Variants in CHD1 observed in about 807,000 individuals in gnomAD.
CHD1 encodes the protein ATP-dependent chromatin remodeler CHD1.
Under a neutral mutation model 224.2 loss-of-function variants are expected in CHD1, and 36 were observed. That is an observed-to-expected ratio of 0.16 (90% confidence interval 0.12 to 0.21). The LOEUF (loss-of-function observed/expected upper bound fraction) is 0.21, where lower values mean the gene tolerates loss of function less well. CHD1 is among the 10% of genes least tolerant of loss of function. The pLI is 1.00. For synonymous variants in CHD1, 668 were observed against 658.3 expected, an observed-to-expected ratio of 1.01 and a Z score of -0.23; for missense variants, 1,378 against 1,994.8, an observed-to-expected ratio of 0.69 and a Z score of 5.89.
chr5:98,909,374 C>T (rs965423889), intron 2 of CHD1, among the ~76,000 whole-genome samples: 4 of 152,102 alleles, frequency 2.6e-5, no homozygotes, highest in African/African-American at 9.7e-5. Flanking sequence ...ATAGTTTATA[C>T]GTGGTGTTGT....
rs1751890043 is a variant in CHD1, at chr5:98,904,039, G to GT, written c.256-132dup. 5.0e-6 allele frequency: 3 copies of GT among 594,444 alleles called. No homozygotes were observed. The Admixed American group carries it at 9.1e-5, about 18-fold the overall frequency. The allele number at this position is 594,444 out of a possible 1,614,324, so 36.8% of individuals were successfully genotyped here. On this transcript the variant is annotated intron_variant, in intron 3 of 35. Coordinates refer to ENST00000614616, the MANE Select transcript of CHD1 (RefSeq NM_001270.4). Reference sequence around the variant, plus strand: ...TAAAGACTATATTCCTTACCTATATGTAACACAATTATCATTGCAATATAG... The same window carrying GT: ...TAAAGACTATATTCCTTACCTATATGTTAACACAATTATCATTGCAATATAG...
intron 12 of CHD1, among the ~76,000 whole-genome samples, 157 bp from the exon 13 acceptor site, chr5:98,894,843 CAG>C (rs1193324803): frequency 6.7e-6 from 1 of 149,840 alleles, no homozygotes; most frequent in African/African-American, 2.5e-5. Context: ...TTTTTTGAGA[CAG>C]AGTTTTGCTC....
chr5:98,899,050 C>T (rs1052671422), intron 8 of CHD1, among the ~76,000 whole-genome samples: 8 of 152,164 alleles, frequency 5.3e-5, no homozygotes, highest in African/African-American at 1.9e-4. Context: ...AATCATCCCT[C>T]ACTACCTGCA....
chr5:98,893,655 T>C (rs1176514388), intron 13 of CHD1, 49 bp from the exon 14 acceptor site: 1 of 1,195,716 alleles, frequency 8.4e-7, no homozygotes, highest in Admixed American at 2.5e-5. Context: ...GGAATTCAAA[T>C]TTAGCCTTCC....
chr5:98,857,277 AAAT>A (rs1167483393), intron 35 of CHD1, among the ~76,000 whole-genome samples: 2 of 152,150 alleles, frequency 1.3e-5, no homozygotes, highest in African/African-American at 2.4e-5. Flanking sequence ...GCTTGATAAA[AAAT>A]AAATGTGGCA....
Position 98,871,055 on chromosome 5 carries a change from A to T in CHD1, c.3862-252T>A, listed in dbSNP as rs547760748. 5.6e-3 allele frequency among the ~76,000 whole-genome samples: 850 copies of T among 152,242 alleles called. 8 individuals are homozygous for T. Among genetic ancestry groups the T allele is most frequent in the African/African-American group, 0.019 (788 of 41,546 alleles). ...ATCTTTCAAAATGAAAATAGAAAGC[A>T]TAAGGTTGTAAATTTCCTTCAAATA... On this transcript the variant is annotated intron_variant, in intron 28 of 35. Coordinates refer to ENST00000614616, the MANE Select transcript of CHD1 (RefSeq NM_001270.4).
intron 18 of CHD1, among the ~76,000 whole-genome samples, chr5:98,884,863 G>C (rs1750533868): frequency 1.3e-5 from 2 of 151,746 alleles, no homozygotes; most frequent in Middle Eastern, 3.4e-3. Flanking sequence ...CTACAACCGA[G>C]TGCCACTATG....
intron 12 of CHD1, among the ~76,000 whole-genome samples, chr5:98,895,850 T>C (rs553819807): frequency 4.3e-4 from 66 of 151,928 alleles, no homozygotes; most frequent in African/African-American, 1.3e-3. Context: ...TGAGAACTTA[T>C]TTGTGGCAAG....
intron 2 of CHD1, among the ~76,000 whole-genome samples, chr5:98,907,588 C>CAAAAAAAAAAAAAAAAAAAACAAA (rs34839165): frequency 1.1e-5 from 1 of 87,522 alleles, no homozygotes; most frequent in African/African-American, 4.1e-5. Context: ...AACTCCATCT[C>CAAAAAAAAAAAAAAAAAAAACAAA]AAAAAAAAAA....
At chr5:98,895,598 T>G (rs1051538427) in intron 12 of CHD1, among the ~76,000 whole-genome samples, 1 of 151,228 alleles carries the variant, frequency 6.6e-6, no homozygotes, top group African/African-American at 2.4e-5. Context: ...ACTAAAAATA[T>G]GAAAATTAGC....
At chr5:98,901,947 C>T (rs556134778) in intron 5 of CHD1, among the ~76,000 whole-genome samples, 7 of 152,096 alleles carry the variant, frequency 4.6e-5, no homozygotes, top group African/African-American at 1.7e-4. Flanking sequence ...ACACTATATC[C>T]TATTTCAGCT....
At chr5:98,876,264 C>T in intron 24 of CHD1, 134 bp downstream of exon 24, 1 of 858,144 alleles carries the variant, frequency 1.2e-6, no homozygotes, top group Non-Finnish European at 1.8e-6. Context: ...AGCAGAACCA[C>T]CCAATTCCTA....
intron 33 of CHD1, among the ~76,000 whole-genome samples, chr5:98,859,684 A>T (rs940175691): frequency 6.6e-6 from 1 of 152,106 alleles, no homozygotes; most frequent in African/African-American, 2.4e-5. Context: ...ATTAACTTTG[A>T]TCACTTGTTT....
chr5:98,868,342 A>AC (rs1749062815), intron 31 of CHD1, among the ~76,000 whole-genome samples, 153 bp downstream of exon 31: 1 of 151,890 alleles, frequency 6.6e-6, no homozygotes, highest in South Asian at 2.1e-4. Flanking sequence ...AAAAAAAAAA[A>AC]AAAAAAAAAG....
chr5:98,912,817 G>C (rs1186892019), intron 2 of CHD1, among the ~76,000 whole-genome samples: 2 of 152,128 alleles, frequency 1.3e-5, no homozygotes, highest in African/African-American at 4.8e-5. Context: ...CAAAGCCTTA[G>C]ATCTGTTATT....
chr5:98,924,131 G>A (rs1398154739), intron 2 of CHD1, among the ~76,000 whole-genome samples: 1 of 152,078 alleles, frequency 6.6e-6, no homozygotes, highest in African/African-American at 2.4e-5. Flanking sequence ...TGGCATGCAC[G>A]CCTTTCAGGA....
intron 2 of CHD1, among the ~76,000 whole-genome samples, chr5:98,921,699 T>G (rs1753106372): frequency 6.6e-6 from 1 of 152,234 alleles, no homozygotes; most frequent in South Asian, 2.1e-4. Context: ...AGCAGCTACT[T>G]AAGCAGAGTA....
At chr5:98,924,312 C>T (rs1465419811) in intron 2 of CHD1, among the ~76,000 whole-genome samples, 1 of 152,108 alleles carries the variant, frequency 6.6e-6, no homozygotes, top group Non-Finnish European at 1.5e-5. Context: ...ATTTACTTAA[C>T]TATAGTCAGT....
chr5:98,917,299 C>CCAAA lies in CHD1; in HGVS notation c.53+9034_53+9035insTTTG, dbSNP rs775841258. Among the ~76,000 whole-genome samples, 126 of 119,822 alleles carry CCAAA rather than the reference C, an allele frequency of 1.1e-3. 4 individuals carry two copies. The highest frequency in any genetic ancestry group is 5.1e-3 in the Middle Eastern group (1 of 198). The allele number at this position is 119,822 out of a possible 152,430, so 78.6% of individuals were successfully genotyped here. A position where few individuals can be genotyped will look rare whatever the true frequency, so the allele number is the denominator to read the frequency against. Reference sequence around the variant, plus strand: ...GCCCATCCCTCCAAAAACAAAGAAACAAAAAAAAAAAACAACCTCTTAATT... The same window carrying CCAAA: ...GCCCATCCCTCCAAAAACAAAGAAACCAAAAAAAAAAAAAAACAACCTCTTAATT... On this transcript the variant is annotated intron_variant, in intron 2 of 35. Coordinates refer to ENST00000614616, the MANE Select transcript of CHD1 (RefSeq NM_001270.4).
Sources: allele counts gnomAD v4.1 joint callset (sites outside exome capture counted in the v4.1 genomes callset), GRCh38; gene constraint gnomAD v4.1.1; transcripts MANE v1.5; gene names NCBI Gene and HGNC (gene_info 2026-07-23, HGNC 2026-07-21).